The following CORO2B variants were observed in gnomAD, a reference collection of about 807,000 sequenced individuals.
The protein encoded by CORO2B is coronin 2B.
A neutral mutation model predicts 58.8 loss-of-function variants in CORO2B; 26 were observed. That is an observed-to-expected ratio of 0.44 (90% CI 0.32 to 0.61). The LOEUF is 0.61. CORO2B is among the 20% of genes least tolerant of loss of function. The probability of loss-of-function intolerance (pLI) is 0.04; values close to 1 mark genes in which losing one functional copy is unlikely to be tolerated. For missense variants in CORO2B, 460 were observed against 645.1 expected, an observed-to-expected ratio of 0.71 and a Z score of 3.11; for synonymous variants, 242 against 253.8, an observed-to-expected ratio of 0.95 and a Z score of 0.44.
chr15:68,718,933 C>G, intron 9 of CORO2B, 123 bp downstream of exon 9: 1 of 932,142 alleles, frequency 1.1e-6, no homozygotes, highest in Non-Finnish European at 1.7e-6. Context: ...GTCTTCAAAC[C>G]TAATTTGGGG....
intron 1 of CORO2B, among the ~76,000 whole-genome samples, chr15:68,630,836 G>T (rs903933258): frequency 1.3e-5 from 2 of 152,156 alleles, no homozygotes; most frequent in Admixed American, 1.3e-4. Context: ...GCCACAAAAT[G>T]GGTGCCAGAG....
chr15:68,677,812 G>T (rs1902637668), intron 2 of CORO2B, among the ~76,000 whole-genome samples: 2 of 152,070 alleles, frequency 1.3e-5, no homozygotes, highest in Non-Finnish European at 2.9e-5. Flanking sequence ...GTCTGTTCCT[G>T]CCTTCACCCT....
chr15:68,640,591 C>T (rs146719088), intron 1 of CORO2B, among the ~76,000 whole-genome samples: 2 of 151,518 alleles, frequency 1.3e-5, no homozygotes, highest in African/African-American at 4.8e-5. Flanking sequence ...AACACATGAA[C>T]CTAGGTTTCA....
chr15:68,695,310 C>A, intron 3 of CORO2B, 54 bp downstream of exon 3: 4 of 1,277,756 alleles, frequency 3.1e-6, no homozygotes, highest in Non-Finnish European at 4.6e-6. Context: ...TCCCTGCTTC[C>A]TTTGGAGGCC....
At chr15:68,653,135 G>A (rs1901693608) in intron 2 of CORO2B, among the ~76,000 whole-genome samples, 2 of 152,128 alleles carry the variant, frequency 1.3e-5, no homozygotes, top group South Asian at 2.1e-4. Flanking sequence ...AGAGGCAGGG[G>A]TGGGGTCCTG....
intron 2 of CORO2B, among the ~76,000 whole-genome samples, chr15:68,682,605 C>T (rs1045817648): frequency 6.6e-6 from 1 of 152,074 alleles, no homozygotes; most frequent in Admixed American, 6.5e-5. Context: ...ACTCAGTGAG[C>T]GATTGGTAAT....
intron 1 of CORO2B, among the ~76,000 whole-genome samples, chr15:68,602,941 G>A (rs1044910910): frequency 6.6e-6 from 1 of 152,200 alleles, no homozygotes; most frequent in Non-Finnish European, 1.5e-5. Context: ...GGGGCAGGGG[G>A]TGGACACACA....
At chr15:68,711,858 C>A in intron 5 of CORO2B, 152 bp downstream of exon 5, 1 of 925,984 alleles carries the variant, frequency 1.1e-6, no homozygotes, top group Non-Finnish European at 1.6e-6. Flanking sequence ...CTCCTGGGCC[C>A]TTCTCAGCTC....
In CORO2B at chr15:68,606,532, C is replaced by T. The variant is rs998688704; in HGVS notation, c.15+27255C>T. 3.3e-4 allele frequency among the ~76,000 whole-genome samples: 50 copies of T among 152,332 alleles called. 1 individual carries two copies. The highest frequency in any genetic ancestry group is 3.4e-3 in the Middle Eastern group (1 of 294). ...TACACTGAATGGTACAGTTGTTGGTCAGGCGCTTTCCTTAAAGTAAACATT... is the reference window on the plus strand; with the variant it reads ...TACACTGAATGGTACAGTTGTTGGTTAGGCGCTTTCCTTAAAGTAAACATT... On this transcript the variant is annotated intron_variant, in intron 1 of 11. Transcript: ENST00000261861.
At chr15:68,697,179 T>G (rs897467713) in intron 3 of CORO2B, among the ~76,000 whole-genome samples, 1 of 151,666 alleles carries the variant, frequency 6.6e-6, no homozygotes, top group Admixed American at 6.6e-5. Context: ...GATAGATGGA[T>G]GGATGGATTG....
In CORO2B at chr15:68,710,614, C is replaced by A; in HGVS notation, c.334-118C>A. On this transcript the variant is annotated intron_variant, in intron 3 of 11. Coordinates refer to ENST00000261861, the MANE Select transcript of CORO2B (RefSeq NM_006091.5). The surrounding 1 kb of genome is among the most constrained non-coding windows in gnomAD (Gnocchi z 4.1). Reference sequence around the variant, plus strand: ...TCGAGCTTTGCCCATCGCCTCAAGCCAGGAGGTGGCTCATCAGGCAGATCT... The same window carrying A: ...TCGAGCTTTGCCCATCGCCTCAAGCAAGGAGGTGGCTCATCAGGCAGATCT... The A allele has an allele frequency of 8.0e-7, 1 of 1,248,648 alleles. No homozygotes were observed. The highest frequency in any genetic ancestry group is 1.1e-6 in the Non-Finnish European group (1 of 939,080). The allele number at this position is 1,248,648 out of a possible 1,614,324, so 77.3% of individuals were successfully genotyped here.
the CORO2B span, among the ~76,000 whole-genome samples, chr15:68,543,001 G>A: frequency 5.7e-4 from 87 of 152,266 alleles, no homozygotes; most frequent in African/African-American, 2.0e-3. Context: ...CAGGCTCCTC[G>A]GGATGCCTTG....
chr15:68,544,831 C>A, the CORO2B span, among the ~76,000 whole-genome samples: 1 of 150,280 alleles, frequency 6.7e-6, no homozygotes, highest in Non-Finnish European at 1.5e-5. Flanking sequence ...GGCTGGAGTG[C>A]GACGGCACAA....
chr15:68,620,269 CTG>C (rs954358179), intron 1 of CORO2B, among the ~76,000 whole-genome samples: 5 of 152,148 alleles, frequency 3.3e-5, no homozygotes, highest in South Asian at 2.1e-4. Flanking sequence ...GGACATCAAA[CTG>C]TGATGTCATG....
the CORO2B span, among the ~76,000 whole-genome samples, chr15:68,532,118 A>G: frequency 6.6e-6 from 1 of 152,038 alleles, no homozygotes; most frequent in African/African-American, 2.4e-5. Context: ...CAATTTTATC[A>G]TGATGTACCT....
intron 2 of CORO2B, among the ~76,000 whole-genome samples, chr15:68,693,430 G>A (rs933307392): frequency 4.6e-5 from 7 of 152,256 alleles, no homozygotes; most frequent in Middle Eastern, 3.4e-3. Flanking sequence ...AGGAGACAGC[G>A]GTATAACCTC....
chr15:68,622,204 C>T (rs72746598), intron 1 of CORO2B, among the ~76,000 whole-genome samples: 6,828 of 152,220 alleles, frequency 0.045, 192 homozygotes, highest in African/African-American at 0.072. Flanking sequence ...GGTACATTCA[C>T]GACAATTGTG....
chr15:68,678,358 G>T (rs559044324), intron 2 of CORO2B, among the ~76,000 whole-genome samples: 1 of 152,262 alleles, frequency 6.6e-6, no homozygotes, highest in East Asian at 1.9e-4. Flanking sequence ...CCCCAGAAGG[G>T]TGCCCCAGGC....
the CORO2B span, among the ~76,000 whole-genome samples, chr15:68,565,787 C>G: frequency 6.6e-6 from 1 of 152,174 alleles, no homozygotes; most frequent in African/African-American, 2.4e-5. Flanking sequence ...GCCTTCTGTT[C>G]TGGATAGAAA....
Sources: allele counts gnomAD v4.1 joint callset (sites outside exome capture counted in the v4.1 genomes callset), GRCh38; gene constraint gnomAD v4.1.1; non-coding constraint Gnocchi (gnomAD v3.1); transcripts MANE v1.5; gene names NCBI Gene and HGNC (gene_info 2026-07-23, HGNC 2026-07-21).